Variants in PDZRN4 observed in about 807,000 individuals in gnomAD.
PDZRN4 encodes the protein PDZ domain containing ring finger 4, also known as PDZ domain-containing RING finger protein 4.
PDZRN4 carries 70 observed loss-of-function variants against 99.0 expected under a neutral mutation model. That is an observed-to-expected ratio of 0.71 (90% confidence interval 0.58 to 0.86). PDZRN4 has a LOEUF of 0.86. Among genes scored for constraint, PDZRN4 ranks in the 40% least tolerant of loss-of-function variants. The pLI is 0.00. For synonymous variants in PDZRN4, 551 were observed against 501.6 expected, an observed-to-expected ratio of 1.10 and a Z score of -1.32; for missense variants, 1,474 against 1,331.2, an observed-to-expected ratio of 1.11 and a Z score of -1.67.
intron 7 of PDZRN4, among the ~76,000 whole-genome samples, chr12:41,558,174 C>A (rs1309529247): frequency 1.3e-5 from 2 of 152,102 alleles, no homozygotes; most frequent in Non-Finnish European, 2.9e-5. Flanking sequence ...GTAAAATATA[C>A]TGAAAATAAT....
chr12:41,412,088 G>T (rs1952404305), intron 3 of PDZRN4: 1 of 152,184 alleles, frequency 6.6e-6, no homozygotes, highest in African/African-American at 2.4e-5. Context: ...TTTAGAGTAA[G>T]GGTCCACTCA....
chr12:41,414,746 T>C (rs1282553052), intron 3 of PDZRN4, among the ~76,000 whole-genome samples: 1 of 152,044 alleles, frequency 6.6e-6, no homozygotes, highest in African/African-American at 2.4e-5. Flanking sequence ...ATAACTACCA[T>C]GATGGAAAAA....
chr12:41,355,901 C>A (rs1951924229), intron 3 of PDZRN4, among the ~76,000 whole-genome samples: 1 of 152,020 alleles, frequency 6.6e-6, no homozygotes, highest in Non-Finnish European at 1.5e-5. Flanking sequence ...TTACTCAGTA[C>A]AATGACAATC....
At chr12:41,211,701 C>T (rs1036659492) in intron 3 of PDZRN4, among the ~76,000 whole-genome samples, 5 of 151,864 alleles carry the variant, frequency 3.3e-5, no homozygotes, top group Non-Finnish European at 7.4e-5. Flanking sequence ...GGCACAGAAG[C>T]CTTTATGTAT....
intron 5 of PDZRN4, among the ~76,000 whole-genome samples, chr12:41,529,945 C>T (rs990198727): frequency 7.9e-5 from 12 of 152,292 alleles, no homozygotes; most frequent in African/African-American, 2.2e-4. Context: ...GCCCAGATCA[C>T]GGTGTAATGC....
chr12:41,193,445 G>A (rs1950750062), intron 2 of PDZRN4, among the ~76,000 whole-genome samples: 1 of 152,110 alleles, frequency 6.6e-6, no homozygotes, highest in Admixed American at 6.5e-5. Context: ...TTACCATATT[G>A]GCTATGTTTG....
chr12:41,273,188 C>T (rs1394127664), intron 3 of PDZRN4, among the ~76,000 whole-genome samples: 2 of 151,920 alleles, frequency 1.3e-5, no homozygotes, highest in Non-Finnish European at 2.9e-5. Flanking sequence ...ATGTTAGGCA[C>T]TATGGATAGA....
At chr12:41,337,324 T>C (rs1191544561) in intron 3 of PDZRN4, among the ~76,000 whole-genome samples, 5 of 152,130 alleles carry the variant, frequency 3.3e-5, no homozygotes, top group African/African-American at 1.2e-4. Flanking sequence ...ATGGGACCAC[T>C]GCTCTGCTTT....
At chr12:41,538,516 A>C (rs1289648898) in intron 5 of PDZRN4, among the ~76,000 whole-genome samples, 1 of 152,170 alleles carries the variant, frequency 6.6e-6, no homozygotes, top group Non-Finnish European at 1.5e-5. Flanking sequence ...GTAGCTACTA[A>C]ACCAGAATGA....
chr12:41,558,263 T>C (rs1167941126), intron 7 of PDZRN4, among the ~76,000 whole-genome samples: 1 of 152,224 alleles, frequency 6.6e-6, no homozygotes, highest in Non-Finnish European at 1.5e-5. Flanking sequence ...TGCTCAGTGA[T>C]TGGAAAGTCT....
chr12:41,241,551 A>G (rs1217593179), intron 3 of PDZRN4, among the ~76,000 whole-genome samples: 3 of 151,164 alleles, frequency 2.0e-5, no homozygotes, highest in Non-Finnish European at 2.9e-5. Context: ...TCTGAATCTC[A>G]GTTCCCTCAT....
At chr12:41,545,513 G>A (rs1295874331) in intron 5 of PDZRN4, among the ~76,000 whole-genome samples, 3 of 38,884 alleles carry the variant, frequency 7.7e-5, no homozygotes, top group African/African-American at 5.4e-4. Flanking sequence ...ATATTAATGT[G>A]TGTGTGTGTG....
At chr12:41,300,532 A>G (rs1419539713) in intron 3 of PDZRN4, among the ~76,000 whole-genome samples, 1 of 151,996 alleles carries the variant, frequency 6.6e-6, no homozygotes. Context: ...CACATATTAG[A>G]AATATTTCAT....
intron 3 of PDZRN4, among the ~76,000 whole-genome samples, chr12:41,467,677 C>CTT (rs1303659778): frequency 6.6e-6 from 1 of 152,168 alleles, no homozygotes; most frequent in African/African-American, 2.4e-5. Context: ...AAATATAAAA[C>CTT]TGTGACACAG....
chr12:41,227,527 T>C (rs1392931968), intron 3 of PDZRN4, among the ~76,000 whole-genome samples: 2 of 151,848 alleles, frequency 1.3e-5, no homozygotes, highest in Non-Finnish European at 2.9e-5. Flanking sequence ...TATCCAGGTG[T>C]GGTGGCACAT....
At chr12:41,516,051 G>A (rs1180869874) in intron 5 of PDZRN4, among the ~76,000 whole-genome samples, 2 of 151,816 alleles carry the variant, frequency 1.3e-5, no homozygotes, top group African/African-American at 2.4e-5. Flanking sequence ...CTGTGCCTCT[G>A]GAATGCTTTT....
intron 7 of PDZRN4, among the ~76,000 whole-genome samples, chr12:41,556,540 G>C (rs10161337): frequency 0.14 from 20,925 of 152,214 alleles, 1,519 homozygotes; most frequent in South Asian, 0.19. Flanking sequence ...TAAAAGCATG[G>C]TATTATAATC....
intron 3 of PDZRN4, among the ~76,000 whole-genome samples, chr12:41,378,747 T>G (rs1310078178): frequency 6.6e-6 from 1 of 152,178 alleles, no homozygotes; most frequent in Non-Finnish European, 1.5e-5. Context: ...GTTCTTGAAC[T>G]CCTGACCTCA....
chr12:41,411,402 C>T (rs925488803), intron 3 of PDZRN4: 6 of 152,202 alleles, frequency 3.9e-5, no homozygotes, highest in Non-Finnish European at 8.8e-5. Flanking sequence ...AGACACACCA[C>T]CTCCCCTTAG....
Sources: allele counts gnomAD v4.1 joint callset (sites outside exome capture counted in the v4.1 genomes callset), GRCh38; gene constraint gnomAD v4.1.1; transcripts MANE v1.5; gene names NCBI Gene and HGNC (gene_info 2026-07-23, HGNC 2026-07-21).